The following ASTN2 variants were observed in gnomAD, a reference collection of about 807,000 sequenced individuals.
ASTN2 encodes astrotactin-2.
In ASTN2, 54 loss-of-function variants were observed where a neutral mutation model predicts 139.8. The observed-to-expected ratio is 0.39, with a 90% confidence interval of 0.31 to 0.48. The LOEUF is 0.48. ASTN2 is among the 20% of genes least tolerant of loss of function. The pLI is 0.95. For missense variants in ASTN2, 1,565 were observed against 1,725.1 expected, an observed-to-expected ratio of 0.91 and a Z score of 1.64; for synonymous variants, 756 against 719.5, an observed-to-expected ratio of 1.05 and a Z score of -0.81.
chr9:116,914,065 A>T (rs1459376867), intron 10 of ASTN2, among the ~76,000 whole-genome samples: 1 of 149,674 alleles, frequency 6.7e-6, no homozygotes, highest in African/African-American at 2.5e-5. Context: ...GCCTGGAAAT[A>T]GGAAATGTTT....
intron 3 of ASTN2, among the ~76,000 whole-genome samples, chr9:117,186,657 G>A (rs1831208250): frequency 6.6e-6 from 1 of 152,126 alleles, no homozygotes; most frequent in Non-Finnish European, 1.5e-5. Context: ...AAGGCATTTA[G>A]GTAAGTCTTC....
At chr9:116,743,365 A>G (rs1829145110) in intron 13 of ASTN2, among the ~76,000 whole-genome samples, 1 of 152,146 alleles carries the variant, frequency 6.6e-6, no homozygotes, top group Non-Finnish European at 1.5e-5. Flanking sequence ...CCTCGCTAAC[A>G]TGGTGAAACC....
At chr9:117,139,096 T>G (rs1017214188) in intron 4 of ASTN2, among the ~76,000 whole-genome samples, 12 of 152,168 alleles carry the variant, frequency 7.9e-5, no homozygotes, top group Admixed American at 7.2e-4. Context: ...TTATGGAATA[T>G]GTATGTGTGG....
chr9:116,571,185 G>A (rs1486343079), intron 19 of ASTN2, among the ~76,000 whole-genome samples: 1 of 152,128 alleles, frequency 6.6e-6, no homozygotes, highest in Non-Finnish European at 1.5e-5. Flanking sequence ...CCACGCTGGT[G>A]GTTTCCTCTC....
At chr9:117,315,964 T>C (rs375991567) in intron 1 of ASTN2, among the ~76,000 whole-genome samples, 1 of 152,328 alleles carries the variant, frequency 6.6e-6, no homozygotes, top group African/African-American at 2.4e-5. Flanking sequence ...CTGCTCGCCA[T>C]GTGCCAAGCA....
Position 116,886,452 on chromosome 9 carries a change from G to A in ASTN2, c.1890-22719C>T, listed in dbSNP as rs374528730. On this transcript the variant is annotated intron_variant, in intron 10 of 22. Coordinates refer to ENST00000313400, the MANE Select transcript of ASTN2 (RefSeq NM_001365068.1). The stretch of plus-strand genomic sequence containing the variant: ...TGCAGTGGTGCGATCACACACTGAA[G>A]GCTCTATTTCTTAGTTTCAAGCAAT... Among the ~76,000 whole-genome samples the A allele has an allele frequency of 1.2e-4, 18 of 152,278 alleles. No homozygotes were observed. The East Asian group carries it at 2.7e-3, about 23-fold the overall frequency.
chr9:117,295,592 CAT>C (rs139721336), intron 1 of ASTN2, among the ~76,000 whole-genome samples: 6,644 of 150,144 alleles, frequency 0.044, 270 homozygotes, highest in African/African-American at 0.11. Flanking sequence ...ATGCTTAATG[CAT>C]ATATATATAT....
intron 2 of ASTN2, among the ~76,000 whole-genome samples, chr9:117,225,172 T>C (rs979495166): frequency 1.3e-5 from 2 of 152,126 alleles, no homozygotes; most frequent in Non-Finnish European, 2.9e-5. Flanking sequence ...AAATCCATCA[T>C]AAATGCCTCT....
intron 19 of ASTN2, among the ~76,000 whole-genome samples, chr9:116,496,260 A>ATTCTAT (rs1849666098): frequency 6.6e-6 from 1 of 152,192 alleles, no homozygotes; most frequent in African/African-American, 2.4e-5. Context: ...GTCTGTACAC[A>ATTCTAT]GTAGGTTTTC....
chr9:116,663,877 G>A (rs1420577166), intron 16 of ASTN2, among the ~76,000 whole-genome samples: 3 of 152,196 alleles, frequency 2.0e-5, no homozygotes, highest in African/African-American at 7.2e-5. Context: ...GGGAAAATCA[G>A]GGATCCAAGA....
chr9:116,548,618 G>GC (rs1214322522), intron 19 of ASTN2, among the ~76,000 whole-genome samples: 2 of 152,028 alleles, frequency 1.3e-5, no homozygotes, highest in African/African-American at 2.4e-5. Flanking sequence ...GATTACAGGT[G>GC]CCCCCCACTA....
chr9:116,730,559 G>A (rs1828749722), intron 14 of ASTN2, among the ~76,000 whole-genome samples: 1 of 152,162 alleles, frequency 6.6e-6, no homozygotes, highest in Non-Finnish European at 1.5e-5. Flanking sequence ...TGTGGAGGGA[G>A]GAAGGGAGGG....
At chr9:117,022,949 T>A (rs1447446978) in intron 6 of ASTN2, among the ~76,000 whole-genome samples, 2 of 150,522 alleles carry the variant, frequency 1.3e-5, no homozygotes, top group Admixed American at 6.6e-5. Context: ...GCAAAAACTA[T>A]GACAGTAAAC....
chr9:117,250,129 A>AACAC (rs1309717205), intron 2 of ASTN2, among the ~76,000 whole-genome samples: 1 of 152,130 alleles, frequency 6.6e-6, no homozygotes, highest in Admixed American at 6.6e-5. Flanking sequence ...ATTTCATTTC[A>AACAC]ACACACACAC....
At chr9:117,324,275 A>G (rs1169564198) in intron 1 of ASTN2, among the ~76,000 whole-genome samples, 2 of 152,188 alleles carry the variant, frequency 1.3e-5, no homozygotes, top group Admixed American at 1.3e-4. Flanking sequence ...AATAGATCCA[A>G]ATATGGATGG....
chr9:116,724,304 G>A (rs1828555703), intron 16 of ASTN2, among the ~76,000 whole-genome samples: 1 of 152,178 alleles, frequency 6.6e-6, no homozygotes, highest in South Asian at 2.1e-4. Flanking sequence ...CATTGACACA[G>A]CCATAAAACG....
chr9:117,340,983 T>C (rs1467079940), intron 1 of ASTN2, among the ~76,000 whole-genome samples: 3 of 152,190 alleles, frequency 2.0e-5, no homozygotes, highest in Admixed American at 1.3e-4. Context: ...GAGGAGGCCC[T>C]GCTCTTAAGC....
chr9:116,985,198 C>T (rs1334726160), intron 7 of ASTN2, among the ~76,000 whole-genome samples: 1 of 152,154 alleles, frequency 6.6e-6, no homozygotes, highest in Non-Finnish European at 1.5e-5. Flanking sequence ...CCTTATACTG[C>T]TGGTGTGAGA....
At chr9:117,112,000 A>G (rs1829262052) in intron 4 of ASTN2, among the ~76,000 whole-genome samples, 1 of 150,560 alleles carries the variant, frequency 6.6e-6, no homozygotes, top group South Asian at 2.1e-4. Context: ...TACTGGCAGC[A>G]AAAGCTAAAA....
Sources: allele counts gnomAD v4.1 joint callset (sites outside exome capture counted in the v4.1 genomes callset), GRCh38; gene constraint gnomAD v4.1.1; transcripts MANE v1.5; gene names NCBI Gene and HGNC (gene_info 2026-07-23, HGNC 2026-07-21).